The following CABYR variants were observed in gnomAD, a reference collection of about 807,000 sequenced individuals.
CABYR encodes calcium-binding tyrosine phosphorylation-regulated protein.
CABYR carries 31 observed loss-of-function variants against 36.1 expected under a neutral mutation model. That is an observed-to-expected ratio of 0.86 (90% CI 0.64 to 1.16). The LOEUF (loss-of-function observed/expected upper bound fraction) is 1.16, where lower values mean the gene tolerates loss of function less well. Ranked by LOEUF, CABYR falls within the 50% of genes most tolerant of loss-of-function variation. The pLI is 0.00. For synonymous variants in CABYR, 146 were observed against 160.7 expected (o/e 0.91, Z 0.69); for missense variants, 429 against 455.8 (o/e 0.94, Z 0.53).
intron 3 of CABYR, among the ~76,000 whole-genome samples, chr18:24,148,916 A>G (rs920453102): frequency 2.6e-5 from 4 of 152,120 alleles, no homozygotes; most frequent in African/African-American, 9.7e-5. Flanking sequence ...AAGCTTCCAC[A>G]GTGTGGAAGG....
At chr18:24,158,139 G>T (rs144335109) in intron 4 of CABYR, among the ~76,000 whole-genome samples, 1 of 152,170 alleles carries the variant, frequency 6.6e-6, no homozygotes, top group African/African-American at 2.4e-5. Context: ...GGAAAACAGA[G>T]TTGTCCACAA....
At chr18:24,160,277 C>A in intron 5 of CABYR, 1 of 542,506 alleles carries the variant, frequency 1.8e-6, no homozygotes, top group Non-Finnish European at 3.2e-6. Context: ...CACAATGACT[C>A]ATGCCAAGGA....
intron 3 of CABYR, among the ~76,000 whole-genome samples, chr18:24,155,043 GTTAAACT>G (rs2085741217): frequency 6.6e-6 from 1 of 152,164 alleles, no homozygotes; most frequent in South Asian, 2.1e-4. Flanking sequence ...AATTCATTAA[GTTAAACT>G]TTATATACCA....
At chr18:24,154,488 C>T (rs1383864575) in intron 3 of CABYR, among the ~76,000 whole-genome samples, 1 of 152,180 alleles carries the variant, frequency 6.6e-6, no homozygotes, top group Non-Finnish European at 1.5e-5. Flanking sequence ...GGTATAATGT[C>T]CATGTCCCGA....
At chr18:24,149,545 G>C (rs1031974905) in intron 3 of CABYR, among the ~76,000 whole-genome samples, 1 of 152,214 alleles carries the variant, frequency 6.6e-6, no homozygotes, top group Non-Finnish European at 1.5e-5. Flanking sequence ...TCCTGGTGCC[G>C]TGCGCCTGCA....
Position 24,158,545 on chromosome 18 carries a change from C to T in CABYR, c.542-927C>T, listed in dbSNP as rs905090296. Among the ~76,000 whole-genome samples, 4 of 151,984 alleles carry T rather than the reference C, an allele frequency of 2.6e-5. No homozygotes were observed. The South Asian group carries it at 6.2e-4, about 24-fold the overall frequency. On this transcript the variant is annotated intron_variant, in intron 4 of 5. Coordinates refer to ENST00000399496, the MANE Select transcript of CABYR (RefSeq NM_153769.3). ...GTTGGTCAGGCTGGTCTCGAACTCC[C>T]GACCTCAGGTGATCCACCCTCCTCG...
At chr18:24,149,763 GGAC>G (rs1282399465) in intron 3 of CABYR, among the ~76,000 whole-genome samples, 2 of 152,244 alleles carry the variant, frequency 1.3e-5, no homozygotes, top group Non-Finnish European at 2.9e-5. Flanking sequence ...CACTGCTGGG[GGAC>G]CCAGTACACC....
chr18:24,147,927 C>A (rs567573553), intron 3 of CABYR, among the ~76,000 whole-genome samples: 2 of 152,086 alleles, frequency 1.3e-5, no homozygotes, highest in African/African-American at 4.8e-5. Context: ...TCATTCTGCT[C>A]CTAATATAAT....
At chr18:24,153,026 C>A (rs2085679514) in intron 3 of CABYR, among the ~76,000 whole-genome samples, 1 of 152,144 alleles carries the variant, frequency 6.6e-6, no homozygotes, top group African/African-American at 2.4e-5. Context: ...GGCTGGGGTG[C>A]CAGAGGGTAT....
At chr18:24,146,450 G>A (rs2085460598) in intron 3 of CABYR, among the ~76,000 whole-genome samples, 2 of 152,094 alleles carry the variant, frequency 1.3e-5, no homozygotes, top group Admixed American at 6.6e-5. Flanking sequence ...TCAGGAGGCT[G>A]AGGCACGAGA....
chr18:24,150,781 TTG>T (rs1491082932), intron 3 of CABYR: 21 of 94,204 alleles, frequency 2.2e-4, no homozygotes, highest in South Asian at 5.0e-4. Context: ...TTTTTGTTTT[TTG>T]TTTTTTTTTT....
chr18:24,148,388 C>A (rs968017361), intron 3 of CABYR, among the ~76,000 whole-genome samples: 2 of 152,164 alleles, frequency 1.3e-5, no homozygotes, highest in Admixed American at 1.3e-4. Context: ...TGCCACTAAT[C>A]TAGCTAAGAT....
chr18:24,147,450 G>A (rs1305053280), intron 3 of CABYR, among the ~76,000 whole-genome samples: 4 of 152,086 alleles, frequency 2.6e-5, no homozygotes, highest in Non-Finnish European at 5.9e-5. Context: ...ATTTAGCTTT[G>A]TACTGTAGGT....
At chr18:24,149,267 A>G (rs980158016) in intron 3 of CABYR, among the ~76,000 whole-genome samples, 3 of 152,152 alleles carry the variant, frequency 2.0e-5, no homozygotes, top group South Asian at 2.1e-4. Flanking sequence ...TGTATTTACA[A>G]TCCCTGAGCT....
intron 4 of CABYR, among the ~76,000 whole-genome samples, chr18:24,159,087 C>T (rs926482868): frequency 2.0e-5 from 3 of 152,214 alleles, no homozygotes; most frequent in Non-Finnish European, 2.9e-5. Context: ...GATGCACTAA[C>T]GCTTCCTTTA....
rs144855105 is a variant in CABYR, at chr18:24,143,141, C to A, written c.27C>A (p.Val9=). 6.2e-7 allele frequency: 1 copy of A among 1,612,360 alleles called. No homozygotes were observed. The highest frequency in any genetic ancestry group is 8.5e-7 in the Non-Finnish European group (1 of 1,179,470). The part of the protein sequence containing the change: MISSKPRL[V]VPYGLKTLLE... ...TGATTTCTTCAAAGCCCAGACTTGT[C>A]GTACCCTATGGCCTCAAGACTCTGC... Residue 9 remains valine (V), a synonymous_variant, in exon 2 of 6, where the codon GTC becomes GTA. Coordinates refer to ENST00000399496, the MANE Select transcript of CABYR (RefSeq NM_153769.3).
chr18:24,139,128 A>G lies in CABYR; in HGVS notation c.-25+10A>G, dbSNP rs2085233898. 1 of 152,048 alleles carries G rather than the reference A, an allele frequency of 6.6e-6. No individual in the cohort carries two copies. The highest frequency in any genetic ancestry group is 6.6e-5 in the Admixed American group (1 of 15,266). 9.4% of individuals were successfully genotyped at this position (152,048 alleles called of 1,614,324 possible). On this transcript the variant is annotated intron_variant, in intron 1 of 5. Coordinates refer to ENST00000399496, the MANE Select transcript of CABYR (RefSeq NM_153769.3). ...CGCGGCCGGAAAGCAGGTGGGGAGA[A>G]TCTGGAGAAAAGGCGCACCCTGCGG...
At chr18:24,151,781 C>G (rs2145872120) in intron 3 of CABYR, among the ~76,000 whole-genome samples, 1 of 151,762 alleles carries the variant, frequency 6.6e-6, no homozygotes, top group African/African-American at 2.4e-5. Context: ...CCTCTACCTC[C>G]CGGGCTCAAG....
intron 2 of CABYR, 24 bp from the exon 3 acceptor site, chr18:24,143,336 G>T: frequency 6.3e-7 from 1 of 1,593,450 alleles, no homozygotes; most frequent in South Asian, 1.1e-5. Flanking sequence ...ATCTGTATTT[G>T]ATTTCCTGTA....
Sources: allele counts gnomAD v4.1 joint callset (sites outside exome capture counted in the v4.1 genomes callset), GRCh38; gene constraint gnomAD v4.1.1; transcripts MANE v1.5; gene names NCBI Gene and HGNC (gene_info 2026-07-23, HGNC 2026-07-21).